Variants in THAP4 observed in about 807,000 individuals in gnomAD.
THAP4 encodes the protein peroxynitrite isomerase THAP4.
THAP4 carries 18 observed loss-of-function variants against 48.1 expected under a neutral mutation model. The observed-to-expected ratio is 0.37, with a 90% confidence interval of 0.26 to 0.56. The LOEUF (loss-of-function observed/expected upper bound fraction) is 0.56, where lower values mean the gene tolerates loss of function less well. Ranked by LOEUF, THAP4 falls within the 20% of genes least tolerant of loss-of-function variation. The probability of loss-of-function intolerance (pLI) is 0.78; values close to 1 mark genes in which losing one functional copy is unlikely to be tolerated. For missense variants in THAP4, 656 were observed against 774.9 expected (o/e 0.85, Z 1.82); for synonymous variants, 345 against 324.9 (o/e 1.06, Z -0.66).
At chr2:241,631,986 C>T (rs1358714734) in intron 2 of THAP4, among the ~76,000 whole-genome samples, 2 of 151,896 alleles carry the variant, frequency 1.3e-5, no homozygotes, top group African/African-American at 2.4e-5. Context: ...CAGCTCACTG[C>T]AACCTCCGCC....
chr2:241,594,026 T>G (rs1348902414), intron 5 of THAP4, among the ~76,000 whole-genome samples: 3 of 152,156 alleles, frequency 2.0e-5, no homozygotes, highest in African/African-American at 7.2e-5. Flanking sequence ...ACGAACAACT[T>G]GCCCATCAAT....
intron 1 of THAP4, among the ~76,000 whole-genome samples, chr2:241,636,173 A>C (rs1409803314): frequency 2.0e-5 from 3 of 152,256 alleles, no homozygotes; most frequent in Non-Finnish European, 4.4e-5. Flanking sequence ...ACTTACAGCA[A>C]ACTACTGTGA....
chr2:241,586,174 G>GT (rs1485201541), intron 5 of THAP4, among the ~76,000 whole-genome samples: 1 of 147,012 alleles, frequency 6.8e-6, no homozygotes, highest in Non-Finnish European at 1.5e-5. Context: ...GGAGAATGGC[G>GT]TGAACCCAGG....
chr2:241,634,462 T>C (rs764987110), intron 1 of THAP4, among the ~76,000 whole-genome samples: 1 of 152,138 alleles, frequency 6.6e-6, no homozygotes, highest in South Asian at 2.1e-4. Context: ...CCAACTTGCC[T>C]GGAAGGTAGG....
At chr2:241,586,211 C>T (rs558022022) in intron 5 of THAP4, among the ~76,000 whole-genome samples, 12 of 145,628 alleles carry the variant, frequency 8.2e-5, no homozygotes, top group East Asian at 4.1e-4. Flanking sequence ...GAGCCAAGAT[C>T]GCGCCACTGC....
chr2:241,589,074 A>G (rs1056137279), intron 5 of THAP4, among the ~76,000 whole-genome samples: 5 of 152,076 alleles, frequency 3.3e-5, no homozygotes, highest in Non-Finnish European at 7.4e-5. Flanking sequence ...TTAGCCGGCC[A>G]TGGTGGTGGG....
intron 5 of THAP4, among the ~76,000 whole-genome samples, chr2:241,599,129 G>A (rs4675923): frequency 0.023 from 3,457 of 152,038 alleles, 180 homozygotes; most frequent in East Asian, 0.17. Context: ...GTGCATGCCT[G>A]TAACCCCAGC....
intron 2 of THAP4, among the ~76,000 whole-genome samples, chr2:241,609,343 G>C (rs111229487): frequency 0.013 from 1,933 of 152,374 alleles, 43 homozygotes; most frequent in African/African-American, 0.044. Flanking sequence ...GAAGAACCTT[G>C]GGAGGTGTGA....
chr2:241,637,409 G>A (rs1297668198), upstream of THAP4: 10 of 1,447,094 alleles, frequency 6.9e-6, no homozygotes, highest in Non-Finnish European at 7.3e-6. Context: ...CTGCCGCCTC[G>A]ACAACTGCTC....
chr2:241,632,931 A>G lies in THAP4; in HGVS notation c.1226T>C (p.Leu409Pro). Reference sequence around the variant, plus strand: ...CCGGTACTGACCGCGGCTGGGCGACAGCAGGCTACTTGGATAGGGGACGCT... The same window carrying G: ...CCGGTACTGACCGCGGCTGGGCGACGGCAGGCTACTTGGATAGGGGACGCT... ...RVSVPYPSSL[L>P]SPSREPPKMN... The change falls in exon 2 of 6, where the codon CTG (leucine) becomes CCG (proline). Residue 409 changes from leucine to proline, a missense_variant. Transcript: ENST00000407315. 3.7e-6 allele frequency: 6 copies of G among 1,603,038 alleles called. No homozygotes were observed. The highest frequency in any genetic ancestry group is 3.4e-6 in the Non-Finnish European group (4 of 1,174,124).
chr2:241,617,690 G>C (rs954532988), intron 2 of THAP4, among the ~76,000 whole-genome samples: 1 of 152,134 alleles, frequency 6.6e-6, no homozygotes, highest in African/African-American at 2.4e-5. Flanking sequence ...CAGAGGTCTG[G>C]GCGGAGTGAC....
chr2:241,605,579 C>G (rs2067172183), intron 3 of THAP4, among the ~76,000 whole-genome samples: 1 of 152,158 alleles, frequency 6.6e-6, no homozygotes, highest in Non-Finnish European at 1.5e-5. Context: ...TGAGGGACCT[C>G]AAGGGGCTTT....
intron 2 of THAP4, among the ~76,000 whole-genome samples, chr2:241,630,569 G>A (rs1045928487): frequency 2.0e-5 from 3 of 152,020 alleles, no homozygotes; most frequent in Non-Finnish European, 2.9e-5. Context: ...ACCTGAGGTC[G>A]GGAGTTCGAG....
At chr2:241,618,118 G>A (rs2067370591) in intron 2 of THAP4, among the ~76,000 whole-genome samples, 1 of 152,214 alleles carries the variant, frequency 6.6e-6, no homozygotes, top group African/African-American at 2.4e-5. Context: ...TCCCAAGGTG[G>A]GGAGGAGCTG....
chr2:241,613,714 C>T (rs2067305652), intron 2 of THAP4, among the ~76,000 whole-genome samples: 1 of 152,070 alleles, frequency 6.6e-6, no homozygotes, highest in Non-Finnish European at 1.5e-5. Context: ...GAGAGCACAT[C>T]ACTACACTCC....
At chr2:241,585,931 AAAAAAAAAAG>A in intron 5 of THAP4, among the ~76,000 whole-genome samples, 1 of 132,148 alleles carries the variant, frequency 7.6e-6, no homozygotes, top group Non-Finnish European at 1.6e-5. Flanking sequence ...AAAAAAAAAG[AAAAAAAAAAG>A]AAAAAGAAAA....
chr2:241,636,697 C>G (rs4675914), intron 1 of THAP4, among the ~76,000 whole-genome samples: 3,584 of 152,084 alleles, frequency 0.024, 206 homozygotes, highest in East Asian at 0.19. Context: ...GCCTAGGCGC[C>G]GGCCGGATCG....
At chr2:241,605,711 C>T (rs921611848) in intron 3 of THAP4, among the ~76,000 whole-genome samples, 3 of 150,644 alleles carry the variant, frequency 2.0e-5, no homozygotes, top group Non-Finnish European at 3.0e-5. Flanking sequence ...TATTGGGTGA[C>T]TAATTTTTTT....
chr2:241,589,625 A>G (rs1238112929), intron 5 of THAP4, among the ~76,000 whole-genome samples: 1 of 152,184 alleles, frequency 6.6e-6, no homozygotes, highest in Non-Finnish European at 1.5e-5. Flanking sequence ...CAAGGGGGAC[A>G]GCCACTCTGG....
Sources: allele counts gnomAD v4.1 joint callset (sites outside exome capture counted in the v4.1 genomes callset), GRCh38; gene constraint gnomAD v4.1.1; transcripts MANE v1.5; gene names NCBI Gene and HGNC (gene_info 2026-07-23, HGNC 2026-07-21).